The following ST8SIA2 variants were observed in gnomAD, a reference collection of about 807,000 sequenced individuals.
ST8SIA2 encodes the protein ST8 alpha-N-acetyl-neuraminide alpha-2,8-sialyltransferase 2, also known as alpha-2,8-sialyltransferase 8B.
In ST8SIA2, 22 loss-of-function variants were observed where a neutral mutation model predicts 37.6. The ratio of observed to expected loss-of-function variants is 0.58; its 90% CI spans 0.42 to 0.83. The LOEUF (loss-of-function observed/expected upper bound fraction) is 0.83, where lower values mean the gene tolerates loss of function less well. Ranked by LOEUF, ST8SIA2 falls within the 40% of genes least tolerant of loss-of-function variation. The pLI is 0.00. For missense variants in ST8SIA2, 382 were observed against 484.7 expected, an observed-to-expected ratio of 0.79 and a Z score of 1.99; for synonymous variants, 205 against 201.2, an observed-to-expected ratio of 1.02 and a Z score of -0.16.
chr15:92,407,824 C>A (rs1380876515), intron 1 of ST8SIA2, among the ~76,000 whole-genome samples: 1 of 152,190 alleles, frequency 6.6e-6, no homozygotes, highest in African/African-American at 2.4e-5. Context: ...TATTGGTATT[C>A]TATCTATGGT....
At chr15:92,422,276 G>C (rs1413685632) in intron 1 of ST8SIA2, 1 of 152,238 alleles carries the variant, frequency 6.6e-6, no homozygotes, top group African/African-American at 2.4e-5. Flanking sequence ...CAAGCCTCCA[G>C]ATGTCCTTAG....
intron 5 of ST8SIA2, among the ~76,000 whole-genome samples, chr15:92,450,439 A>C (rs1242111988): frequency 6.6e-6 from 1 of 152,206 alleles, no homozygotes; most frequent in African/African-American, 2.4e-5. Context: ...AGATTGGGTA[A>C]TTTATAAAGA....
chr15:92,448,797 T>A (rs1173625432), intron 5 of ST8SIA2, among the ~76,000 whole-genome samples: 1 of 152,102 alleles, frequency 6.6e-6, no homozygotes, highest in Non-Finnish European at 1.5e-5. Context: ...TCTGTAGTAG[T>A]CAGAGCAGTG....
chr15:92,442,549 T>C (rs1480273842), intron 4 of ST8SIA2, among the ~76,000 whole-genome samples: 2 of 152,130 alleles, frequency 1.3e-5, no homozygotes, highest in African/African-American at 4.8e-5. Flanking sequence ...TTGGCCCTGC[T>C]CTCAGGACCC....
intron 5 of ST8SIA2, 117 bp from the exon 6 acceptor site, chr15:92,463,983 G>T (rs1236776005): frequency 2.9e-6 from 4 of 1,393,774 alleles, no homozygotes; most frequent in South Asian, 1.4e-5. Flanking sequence ...TAGCTTGATC[G>T]GTCCCTGGAG....
intron 5 of ST8SIA2, among the ~76,000 whole-genome samples, chr15:92,463,805 C>T (rs1352248407): frequency 6.6e-6 from 1 of 152,342 alleles, no homozygotes; most frequent in Non-Finnish European, 1.5e-5. Context: ...ACCCAGGTAA[C>T]CTTGGGCAAG....
intron 5 of ST8SIA2, among the ~76,000 whole-genome samples, chr15:92,451,877 G>T (rs1567223467): frequency 6.6e-6 from 1 of 152,112 alleles, no homozygotes; most frequent in Non-Finnish European, 1.5e-5. Context: ...CCATCCATTT[G>T]CCCCTATTAC....
At chr15:92,431,008 C>T (rs553497789) in intron 2 of ST8SIA2, among the ~76,000 whole-genome samples, 1 of 152,194 alleles carries the variant, frequency 6.6e-6, no homozygotes, top group Non-Finnish European at 1.5e-5. Context: ...ATGACTGACT[C>T]GAGAAACTGT....
chr15:92,448,379 A>G (rs1175965818), intron 5 of ST8SIA2, among the ~76,000 whole-genome samples: 2 of 152,184 alleles, frequency 1.3e-5, no homozygotes, highest in East Asian at 3.9e-4. Flanking sequence ...CCTTGGTGGG[A>G]CCTTACCTGG....
At chr15:92,452,258 A>C (rs1209347665) in intron 5 of ST8SIA2, among the ~76,000 whole-genome samples, 1 of 152,116 alleles carries the variant, frequency 6.6e-6, no homozygotes, top group African/African-American at 2.4e-5. Context: ...TCTCAGGCCC[A>C]CCCCAGACCT....
intron 1 of ST8SIA2, among the ~76,000 whole-genome samples, chr15:92,421,728 A>G (rs971327020): frequency 6.6e-6 from 1 of 152,234 alleles, no homozygotes; most frequent in Non-Finnish European, 1.5e-5. Flanking sequence ...AGTGCTTTAA[A>G]GGTAGAAGGT....
At chr15:92,452,961 G>A (rs1050159594) in intron 5 of ST8SIA2, among the ~76,000 whole-genome samples, 31 of 152,058 alleles carry the variant, frequency 2.0e-4, no homozygotes, top group African/African-American at 6.8e-4. Context: ...CCCTTCCCAC[G>A]CTGAGATTCT....
At chr15:92,463,426 CAG>C (rs2049970287) in intron 5 of ST8SIA2, among the ~76,000 whole-genome samples, 1 of 152,146 alleles carries the variant, frequency 6.6e-6, no homozygotes, top group Non-Finnish European at 1.5e-5. Flanking sequence ...AGATGGGTAT[CAG>C]AGAGGGGGTC....
At chr15:92,394,209 C>G in intron 1 of ST8SIA2, 47 bp downstream of exon 1, 1 of 1,467,008 alleles carries the variant, frequency 6.8e-7, no homozygotes, top group Non-Finnish European at 9.3e-7. Context: ...GGCGGGATCT[C>G]TCCCTCCTTC....
intron 1 of ST8SIA2, among the ~76,000 whole-genome samples, chr15:92,423,100 T>C (rs540653712): frequency 1.3e-5 from 2 of 152,300 alleles, no homozygotes; most frequent in Admixed American, 6.5e-5. Flanking sequence ...ATAGGCAAAT[T>C]CATAAAGATA....
At chr15:92,403,047 C>T (rs1037510970) in intron 1 of ST8SIA2, among the ~76,000 whole-genome samples, 16 of 152,056 alleles carry the variant, frequency 1.1e-4, no homozygotes, top group South Asian at 2.1e-4. Flanking sequence ...GGGGAGGGGC[C>T]AGGCTTAATG....
chr15:92,446,343 C>T (rs549661068), intron 5 of ST8SIA2, among the ~76,000 whole-genome samples: 2 of 152,318 alleles, frequency 1.3e-5, no homozygotes, highest in East Asian at 3.9e-4. Context: ...GCACAAGTGG[C>T]CCAGAGACCA....
In ST8SIA2 at chr15:92,423,115, G is replaced by A. The variant is rs139568472; in HGVS notation, c.99-6934G>A. ...ATAGGCAAATTCATAAAGATAGGAA[G>A]TAGATAGTAGTTATGGGGAAAAGAT... On this transcript the variant is annotated intron_variant, in intron 1 of 5. Coordinates refer to ENST00000268164, the MANE Select transcript of ST8SIA2 (RefSeq NM_006011.4). Among the ~76,000 whole-genome samples, 50 of 152,344 alleles carry A rather than the reference G, an allele frequency of 3.3e-4. 1 individual carries two copies. The East Asian group carries it at 9.1e-3, about 28-fold the overall frequency.
chr15:92,423,575 CTT>C (rs1391549981), intron 1 of ST8SIA2, among the ~76,000 whole-genome samples: 3 of 152,268 alleles, frequency 2.0e-5, no homozygotes, highest in African/African-American at 4.8e-5. Flanking sequence ...GGCCCAGTCT[CTT>C]TGCTTGCAAG....
Sources: allele counts gnomAD v4.1 joint callset (sites outside exome capture counted in the v4.1 genomes callset), GRCh38; gene constraint gnomAD v4.1.1; transcripts MANE v1.5; gene names NCBI Gene and HGNC (gene_info 2026-07-23, HGNC 2026-07-21).